MON2: variants seen among roughly 807,000 people sequenced by gnomAD.
MON2 encodes the protein MON2 regulator of endosome-to-Golgi trafficking.
A neutral mutation model predicts 208.6 loss-of-function variants in MON2; 84 were observed. The ratio of observed to expected loss-of-function variants is 0.40; its 90% CI spans 0.34 to 0.48. The LOEUF is 0.48. Ranked by LOEUF, MON2 falls within the 20% of genes least tolerant of loss-of-function variation. The probability of loss-of-function intolerance (pLI) is 0.59; values close to 1 mark genes in which losing one functional copy is unlikely to be tolerated. For synonymous variants in MON2, 660 were observed against 694.0 expected (o/e 0.95, Z 0.77); for missense variants, 1,611 against 2,015.4 (o/e 0.80, Z 3.84).
intron 8 of MON2, among the ~76,000 whole-genome samples, chr12:62,512,349 A>G (rs926008012): frequency 1.3e-5 from 2 of 152,196 alleles, no homozygotes; most frequent in Non-Finnish European, 2.9e-5. Flanking sequence ...CCTAGATACA[A>G]TGGGGGTACA....
chr12:62,566,298 G>T (rs778792171), intron 28 of MON2, 24 bp from the exon 29 acceptor site: 3 of 1,595,980 alleles, frequency 1.9e-6, no homozygotes, highest in South Asian at 2.3e-5. Flanking sequence ...ATTTTTAACT[G>T]CATGTGAAAA....
At chr12:62,493,476 TTTC>T (rs1384936647) in intron 2 of MON2, among the ~76,000 whole-genome samples, 1 of 152,226 alleles carries the variant, frequency 6.6e-6, no homozygotes, top group Non-Finnish European at 1.5e-5. Flanking sequence ...TTCTAGGAAA[TTTC>T]TTAATATTCA....
chr12:62,469,882 T>TTTTATTTATTTATTTATTTATTTA, intron 1 of MON2, among the ~76,000 whole-genome samples: 1 of 117,866 alleles, frequency 8.5e-6, no homozygotes, highest in East Asian at 2.7e-4. Flanking sequence ...TTGACTATTA[T>TTTTATTTATTTATTTATTTATTTA]TTTATTTATT....
chr12:62,494,684 A>G (rs376228012), intron 3 of MON2, among the ~76,000 whole-genome samples: 25 of 152,306 alleles, frequency 1.6e-4, no homozygotes, highest in African/African-American at 5.8e-4. Flanking sequence ...GCTCATAGCT[A>G]ATTTGCATAT....
At chr12:62,495,184 G>T (rs779614893) in intron 4 of MON2, 37 bp downstream of exon 4, 8 of 1,547,316 alleles carry the variant, frequency 5.2e-6, no homozygotes, top group South Asian at 1.2e-5. Context: ...TATGTGCTTT[G>T]AGACAGTATT....
intron 31 of MON2, among the ~76,000 whole-genome samples, chr12:62,579,951 C>A (rs906663901): frequency 1.3e-5 from 2 of 152,070 alleles, no homozygotes; most frequent in African/African-American, 4.8e-5. Flanking sequence ...AAATGTTATT[C>A]TTAATCCTAT....
At chr12:62,526,165 ATTC>A in intron 11 of MON2, 63 bp downstream of exon 11, 1 of 1,464,998 alleles carries the variant, frequency 6.8e-7, no homozygotes, top group Non-Finnish European at 9.5e-7. Flanking sequence ...TTAACCTAAA[ATTC>A]TTCTCTATTG....
intron 8 of MON2, among the ~76,000 whole-genome samples, chr12:62,509,361 C>A (rs1038289980): frequency 6.6e-6 from 1 of 152,052 alleles, no homozygotes; most frequent in Admixed American, 6.6e-5. Flanking sequence ...GTGATCCACC[C>A]GCCTCAACCT....
rs1433298917 is a variant in MON2 at position 62,495,129 on chromosome 12, T to C, written c.417T>C (p.His139=). ...TTTTAACAACCAATACAGTAGTTCATGATGAGGCACTTTCTAAGGTAGGAA... is the reference window on the plus strand; with the variant it reads ...TTTTAACAACCAATACAGTAGTTCACGATGAGGCACTTTCTAAGGTAGGAA... ...LVLLTTNTVV[H]DEALSKAIVL... Residue 139 remains histidine (H), a synonymous_variant, in exon 4 of 35, where the codon CAT becomes CAC. Transcript: ENST00000393630. The C allele has an allele frequency of 3.1e-6, 5 of 1,607,124 alleles. No homozygotes were observed. Among genetic ancestry groups the C allele is most frequent in the Non-Finnish European group, 4.3e-6 (5 of 1,176,018 alleles).
chr12:62,476,946 A>G (rs911965361), intron 1 of MON2, among the ~76,000 whole-genome samples: 8 of 152,254 alleles, frequency 5.3e-5, no homozygotes, highest in Admixed American at 3.3e-4. Context: ...TCACTGAGAT[A>G]GGAATTCGAG....
At position 62,549,766 on chromosome 12, in the gene MON2, T is replaced by C. The variant is rs565633363; in HGVS notation, c.2852T>C (p.Val951Ala). Residue 951 changes from valine to alanine, a missense_variant, in exon 23 of 35, where the codon GTT (valine) becomes GCT (alanine). Transcript: ENST00000393630. ...ACTTGCCTGCAAATAGTTGTAGATGTTGCAGGTAGCTTTGGCCTCCATAAC... is the reference window on the plus strand; with the variant it reads ...ACTTGCCTGCAAATAGTTGTAGATGCTGCAGGTAGCTTTGGCCTCCATAAC... The part of the protein sequence containing the change: ...PCTCLQIVVD[V>A]AGSFGLHNQE... 1 of 1,613,100 alleles carries C rather than the reference T, an allele frequency of 6.2e-7. No homozygotes were observed. Among genetic ancestry groups the C allele is most frequent in the Admixed American group, 1.7e-5 (1 of 59,840 alleles).
chr12:62,563,887 C>G (rs760691769), intron 26 of MON2, among the ~76,000 whole-genome samples: 1 of 152,040 alleles, frequency 6.6e-6, no homozygotes, highest in Non-Finnish European at 1.5e-5. Flanking sequence ...GTAATTCAGT[C>G]TCTTTTTCCA....
chr12:62,524,731 A>T (rs2072245962), intron 9 of MON2, 92 bp downstream of exon 9: 1 of 1,244,944 alleles, frequency 8.0e-7, no homozygotes, highest in East Asian at 2.5e-5. Flanking sequence ...TAGTCAGAAG[A>T]CTTTTGGTAT....
chr12:62,498,647 A>G (rs548880627), intron 4 of MON2, among the ~76,000 whole-genome samples: 1 of 152,342 alleles, frequency 6.6e-6, no homozygotes, highest in South Asian at 2.1e-4. Flanking sequence ...AAAGCACGTC[A>G]TTCTGGGGAA....
chr12:62,549,842 T>C lies in MON2; in HGVS notation c.2916+12T>C. ...CAATAGGTTTATTGGTAAGTATCAT[T>C]GTCCTTAGAATATAATATAATTTAG... On this transcript the variant is annotated intron_variant, in intron 23 of 34. Coordinates refer to ENST00000393630, the MANE Select transcript of MON2 (RefSeq NM_015026.3). 2 of 1,513,418 alleles carry C rather than the reference T, an allele frequency of 1.3e-6. No individual in the cohort carries two copies. Among genetic ancestry groups the C allele is most frequent in the Non-Finnish European group, 1.8e-6 (2 of 1,111,140 alleles). The allele number at this position is 1,513,418 out of a possible 1,614,324, so 93.7% of individuals were successfully genotyped here. A position where few individuals can be genotyped will look rare whatever the true frequency, so the allele number is the denominator to read the frequency against.
At chr12:62,473,474 T>C (rs186883835) in intron 1 of MON2, among the ~76,000 whole-genome samples, 1 of 152,352 alleles carries the variant, frequency 6.6e-6, no homozygotes, top group African/African-American at 2.4e-5. Flanking sequence ...TTGTTACTAT[T>C]GGTTATTCTT....
chr12:62,585,504 A>G lies in MON2; in HGVS notation c.4907+3A>G. On this transcript the variant is annotated splice_donor_region_variant and intron_variant, in intron 33 of 34. Transcript: ENST00000393630. ...AGTGGTAAATGCCCTCTTCCAAGGTATATATTTCATTTTATTAAAGAAATA... is the reference window on the plus strand; with the variant it reads ...AGTGGTAAATGCCCTCTTCCAAGGTGTATATTTCATTTTATTAAAGAAATA... 1 of 1,555,386 alleles carries G rather than the reference A, an allele frequency of 6.4e-7. No homozygotes were observed. The highest frequency in any genetic ancestry group is 8.8e-7 in the Non-Finnish European group (1 of 1,141,548).
intron 1 of MON2, among the ~76,000 whole-genome samples, chr12:62,470,140 T>G (rs2068724873): frequency 6.6e-6 from 1 of 151,984 alleles, no homozygotes; most frequent in African/African-American, 2.4e-5. Context: ...CTCCTGCGAT[T>G]AGGCAATCTG....
At chr12:62,476,920 G>A (rs2069114639) in intron 1 of MON2, among the ~76,000 whole-genome samples, 1 of 152,166 alleles carries the variant, frequency 6.6e-6, no homozygotes, top group Non-Finnish European at 1.5e-5. Flanking sequence ...GACTTTGGGA[G>A]GCGAAGACTG....
Sources: allele counts gnomAD v4.1 joint callset (sites outside exome capture counted in the v4.1 genomes callset), GRCh38; gene constraint gnomAD v4.1.1; transcripts MANE v1.5; gene names NCBI Gene and HGNC (gene_info 2026-07-23, HGNC 2026-07-21).